C19orf18: variants seen among roughly 807,000 people sequenced by gnomAD.
C19orf18 encodes uncharacterized protein C19orf18.
Under a neutral mutation model 23.3 loss-of-function variants are expected in C19orf18, and 21 were observed. The ratio of observed to expected loss-of-function variants is 0.90; its 90% confidence interval spans 0.64 to 1.30. The LOEUF is 1.30. C19orf18 is among the 50% of genes most tolerant of loss of function. The pLI is 0.00. For missense variants in C19orf18, 249 were observed against 259.6 expected, an observed-to-expected ratio of 0.96 and a Z score of 0.28; for synonymous variants, 96 against 95.2, an observed-to-expected ratio of 1.01 and a Z score of -0.05.
At chr19:57,958,748 G>C in intron 5 of C19orf18, 31 bp from the exon 6 acceptor site, 4 of 1,261,632 alleles carry the variant, frequency 3.2e-6, no homozygotes, top group Middle Eastern at 2.1e-4. Flanking sequence ...TATTGAGATA[G>C]TAATAAGTGA....
chr19:57,958,542 A>G lies in C19orf18; in HGVS notation c.*60T>C. ...GGGAGCAAGCCACGCCCACAGGCTC[A>G]GTCTCCCAGCACCCCCATAGTTTCT... On this transcript the variant is annotated 3_prime_UTR_variant, in exon 6 of 6. Coordinates refer to ENST00000314391, the MANE Select transcript of C19orf18 (RefSeq NM_152474.5). 2 of 1,142,428 alleles carry G rather than the reference A, an allele frequency of 1.8e-6. No individual in the cohort carries two copies. The highest frequency in any genetic ancestry group is 2.8e-5 in the South Asian group (2 of 70,534). The allele number at this position is 1,142,428 out of a possible 1,614,324, so 70.8% of individuals were successfully genotyped here.
chr19:57,969,835 ACACTCCAGGCT>A, intron 3 of C19orf18, among the ~76,000 whole-genome samples: 1 of 149,086 alleles, frequency 6.7e-6, no homozygotes, highest in Non-Finnish European at 1.5e-5. Flanking sequence ...TCGCATCATT[ACACTCCAGGCT>A]GGGCGACAAG....
intron 3 of C19orf18, among the ~76,000 whole-genome samples, chr19:57,967,039 A>G (rs2072913668): frequency 6.6e-6 from 1 of 151,550 alleles, no homozygotes; most frequent in South Asian, 2.1e-4. Context: ...AGCCGAGATC[A>G]TGCCACTGCA....
chr19:57,974,449 G>A lies in C19orf18; in HGVS notation c.-17C>T. 6.3e-7 allele frequency: 1 copy of A among 1,599,962 alleles called. No homozygotes were observed. The highest frequency in any genetic ancestry group is 8.5e-7 in the Non-Finnish European group (1 of 1,178,558). ...CTTGTCCATCACTCTCAAATTATCA[G>A]TATTTTATCCCGTAGATGAAAGGAA... is the stretch of plus-strand genomic sequence containing the variant. On this transcript the variant is annotated 5_prime_UTR_variant, in exon 1 of 6. Transcript: ENST00000314391.
chr19:57,960,915 C>G (rs2072865049), intron 5 of C19orf18, among the ~76,000 whole-genome samples: 1 of 152,096 alleles, frequency 6.6e-6, no homozygotes, highest in African/African-American at 2.4e-5. Flanking sequence ...CGCGGTGGCT[C>G]ACGCCTGTAA....
At chr19:57,968,642 G>A (rs570146749) in intron 3 of C19orf18, among the ~76,000 whole-genome samples, 6 of 152,166 alleles carry the variant, frequency 3.9e-5, no homozygotes, top group African/African-American at 1.4e-4. Flanking sequence ...TCACCAAGCA[G>A]GATGGGAGAA....
Position 57,974,309 on chromosome 19 carries a change from T to C in C19orf18, c.121+3A>G. ...GTCACATAAAACCAGTGGTTGAAGCTACCTGGTAAGCCTGTTATGTTTCCA... is the reference window on the plus strand; with the variant it reads ...GTCACATAAAACCAGTGGTTGAAGCCACCTGGTAAGCCTGTTATGTTTCCA... On this transcript the variant is annotated splice_donor_region_variant and intron_variant, in intron 1 of 5. Transcript: ENST00000314391. 1 of 1,614,198 alleles carries C rather than the reference T, an allele frequency of 6.2e-7. No homozygotes were observed. The highest frequency in any genetic ancestry group is 8.5e-7 in the Non-Finnish European group (1 of 1,180,024).
At chr19:57,967,861 A>T (rs2072918876) in intron 3 of C19orf18, among the ~76,000 whole-genome samples, 1 of 151,192 alleles carries the variant, frequency 6.6e-6, no homozygotes, top group South Asian at 2.1e-4. Context: ...TACAAAATAA[A>T]ATTAGCTGGG....
chr19:57,963,213 C>G (rs760208357), intron 4 of C19orf18, among the ~76,000 whole-genome samples: 2 of 151,638 alleles, frequency 1.3e-5, no homozygotes, highest in Non-Finnish European at 1.5e-5. Context: ...ATTTTTAGTA[C>G]AGATGGGGTT....
At chr19:57,966,064 G>A (rs1353537851) in intron 4 of C19orf18, among the ~76,000 whole-genome samples, 4 of 149,606 alleles carry the variant, frequency 2.7e-5, no homozygotes, top group Admixed American at 1.3e-4. Context: ...TGCAAGCTCC[G>A]CCTCCCGGGT....
At chr19:57,966,167 C>A (rs1406526190) in intron 4 of C19orf18, among the ~76,000 whole-genome samples, 2 of 151,930 alleles carry the variant, frequency 1.3e-5, no homozygotes, top group African/African-American at 4.8e-5. Flanking sequence ...TTAGTAGATA[C>A]GGGGTTTCAC....
intron 2 of C19orf18, among the ~76,000 whole-genome samples, chr19:57,972,853 G>C (rs2072954084): frequency 6.6e-6 from 1 of 152,094 alleles, no homozygotes. Flanking sequence ...AGTTGAAGGG[G>C]CTACGACCTC....
chr19:57,968,888 C>T (rs2072925487), intron 3 of C19orf18, among the ~76,000 whole-genome samples: 3 of 152,132 alleles, frequency 2.0e-5, no homozygotes, highest in Admixed American at 2.0e-4. Flanking sequence ...CCCCAACCAT[C>T]TCCTTTTCAA....
chr19:57,959,189 C>T (rs184469074), intron 5 of C19orf18, among the ~76,000 whole-genome samples: 4 of 152,244 alleles, frequency 2.6e-5, no homozygotes, highest in African/African-American at 7.2e-5. Flanking sequence ...CAGGTACCCA[C>T]GAATCTCAGA....
chr19:57,965,470 G>T (rs2072901910), intron 4 of C19orf18, among the ~76,000 whole-genome samples: 1 of 152,206 alleles, frequency 6.6e-6, no homozygotes, highest in Non-Finnish European at 1.5e-5. Flanking sequence ...TCTGGGGTCT[G>T]GGAATGGTGG....
Position 57,974,364 on chromosome 19 carries a change from G to C in C19orf18, c.69C>G (p.Cys23Trp). ...LFLMECQLHL[C>W]LPYADGLHPT... ...GATGGAGTCCATCTGCATACGGCAA[G>C]CATAAATGAAGTTGGCATTCCATTA... is the stretch of plus-strand genomic sequence containing the variant. Residue 23 changes from cysteine (C) to tryptophan (W), a missense_variant, in exon 1 of 6, where the codon TGC becomes TGG. Transcript: ENST00000314391. 5 of 1,614,070 alleles carry C rather than the reference G, an allele frequency of 3.1e-6. No individual in the cohort carries two copies. The highest frequency in any genetic ancestry group is 4.2e-6 in the Non-Finnish European group (5 of 1,179,984).
chr19:57,973,797 T>G (rs2072963589), intron 2 of C19orf18, among the ~76,000 whole-genome samples: 1 of 152,122 alleles, frequency 6.6e-6, no homozygotes, highest in East Asian at 1.9e-4. Flanking sequence ...CATGCTCTAC[T>G]GCCAAATGTG....
chr19:57,966,529 C>G lies in C19orf18; in HGVS notation c.371+1G>C. ...GCAGATATTACTTAGCAGATACTTA[C>G]TATATCATATAGGAGATTGCCATCC... On this transcript the variant is annotated splice_donor_variant, in intron 4 of 5. Coordinates refer to ENST00000314391, the MANE Select transcript of C19orf18 (RefSeq NM_152474.5). LOFTEE classifies it high-confidence loss of function. 6.4e-7 allele frequency: 1 copy of G among 1,572,466 alleles called. No homozygotes were observed. The highest frequency in any genetic ancestry group is 8.7e-7 in the Non-Finnish European group (1 of 1,144,072).
chr19:57,971,279 C>T (rs1600208438), intron 3 of C19orf18, among the ~76,000 whole-genome samples: 1 of 151,662 alleles, frequency 6.6e-6, no homozygotes, highest in African/African-American at 2.4e-5. Flanking sequence ...ATGTGCAAGC[C>T]GACACACCCA....
Sources: allele counts gnomAD v4.1 joint callset (sites outside exome capture counted in the v4.1 genomes callset), GRCh38; gene constraint gnomAD v4.1.1; transcripts MANE v1.5; gene names NCBI Gene and HGNC (gene_info 2026-07-23, HGNC 2026-07-21).